The following RAB5B variants were observed in gnomAD, a reference collection of about 807,000 sequenced individuals.
The protein encoded by RAB5B is ras-related protein Rab-5B.
Under a neutral mutation model 28.6 loss-of-function variants are expected in RAB5B, and 11 were observed. The ratio of observed to expected loss-of-function variants is 0.38; its 90% CI spans 0.24 to 0.64. The LOEUF (loss-of-function observed/expected upper bound fraction) is 0.64. RAB5B is among the 30% of genes least tolerant of loss of function. The probability of loss-of-function intolerance (pLI) is 0.53; values close to 1 mark genes in which losing one functional copy is unlikely to be tolerated. For missense variants in RAB5B, 169 were observed against 265.6 expected (o/e 0.64, Z 2.53); for synonymous variants, 93 against 97.9 (o/e 0.95, Z 0.29).
At chr12:55,987,963 A>AGGATTT (rs1890001395) in intron 2 of RAB5B, among the ~76,000 whole-genome samples, 1 of 151,950 alleles carries the variant, frequency 6.6e-6, no homozygotes, top group South Asian at 2.1e-4. Context: ...CCTGGCCAAC[A>AGGATTT]AGGTGAAATC....
rs954000757 is a variant in RAB5B at position 55,975,635 on chromosome 12, T to C, written c.-93+1496T>C. 2.6e-5 allele frequency among the ~76,000 whole-genome samples: 4 copies of C among 151,618 alleles called. No individual in the cohort carries two copies. In the South Asian group the frequency reaches 8.3e-4, roughly 31 times the overall value. On this transcript the variant is annotated intron_variant, in intron 1 of 5. Coordinates refer to ENST00000360299, the MANE Select transcript of RAB5B (RefSeq NM_002868.4). ...TCTCCAAAAAAAAAAAAGACAAAGA[T>C]TGCCAAAGCAGAGGAGTGGAGTACC...
chr12:55,990,641 G>A, intron 3 of RAB5B, 41 bp from the exon 4 acceptor site: 1 of 1,609,216 alleles, frequency 6.2e-7, no homozygotes, highest in Non-Finnish European at 8.5e-7. Context: ...ATATGGATTG[G>A]CAGTCATTCC....
chr12:55,988,388 G>A (rs1839065630), intron 2 of RAB5B, among the ~76,000 whole-genome samples: 1 of 152,198 alleles, frequency 6.6e-6, no homozygotes, highest in Non-Finnish European at 1.5e-5. Context: ...TACAAAGGGT[G>A]TCTGTCTTTC....
intron 1 of RAB5B, chr12:55,980,917 G>C: frequency 4.3e-6 from 7 of 1,613,186 alleles, no homozygotes; most frequent in Non-Finnish European, 5.9e-6. Context: ...TTCCGATGGT[G>C]GAGATGTAAG....
intron 2 of RAB5B, 57 bp from the exon 3 acceptor site, chr12:55,989,890 A>G (rs1306775792): frequency 3.2e-6 from 5 of 1,539,924 alleles, no homozygotes; most frequent in Non-Finnish European, 3.6e-6. Context: ...GGGGGGAGGG[A>G]TGTTCCCATT....
Position 55,995,999 on chromosome 12 carries a change from A to ATTTTTTT in RAB5B, c.*3788_*3789insTTTTTTT, listed in dbSNP as rs1207856151. ...TATATATATACATATATATATATAT[A>ATTTTTTT]TATATTTTTTTTTTAACAACTGGTA... On this transcript the variant is annotated 3_prime_UTR_variant, in exon 6 of 6. Transcript: ENST00000360299. 13 of 85,800 alleles carry ATTTTTTT rather than the reference A, an allele frequency of 1.5e-4. 1 individual carries two copies. Among genetic ancestry groups the ATTTTTTT allele is most frequent in the African/African-American group, 3.8e-4 (7 of 18,368 alleles). The allele number at this position is 85,800 out of a possible 1,614,324, so 5.3% of individuals were successfully genotyped here. A position where few individuals can be genotyped will look rare whatever the true frequency, so the allele number is the denominator to read the frequency against.
Position 55,993,284 on chromosome 12 carries a change from C to G in RAB5B, c.*1072C>G, listed in dbSNP as rs565989152. ...AATTCAATGAAATCTGAGGTTAATG[C>G]GAGGTTCGAGGAGAGGTTATAGATA... On this transcript the variant is annotated 3_prime_UTR_variant, in exon 6 of 6. Transcript: ENST00000360299. The G allele has an allele frequency of 3.3e-5, 5 of 152,556 alleles. No homozygotes were observed. Among genetic ancestry groups the G allele is most frequent in the Admixed American group, 2.6e-4 (4 of 15,264 alleles). The allele number at this position is 152,556 out of a possible 1,614,324, so 9.5% of individuals were successfully genotyped here.
chr12:55,975,705 C>CTCATAGATTG (rs1349718502), intron 1 of RAB5B, among the ~76,000 whole-genome samples: 1 of 151,874 alleles, frequency 6.6e-6, no homozygotes, highest in African/African-American at 2.4e-5. Context: ...TTCTTAGTCC[C>CTCATAGATTG]TCATAGATTG....
intron 1 of RAB5B, among the ~76,000 whole-genome samples, chr12:55,983,624 A>G (rs1889868220): frequency 6.7e-6 from 1 of 149,196 alleles, no homozygotes; most frequent in South Asian, 2.1e-4. Context: ...TTCTTTTGCT[A>G]ACTTCCTCTT....
chr12:55,980,800 G>C, intron 1 of RAB5B: 2 of 1,578,058 alleles, frequency 1.3e-6, no homozygotes, highest in Non-Finnish European at 1.7e-6. Context: ...TGGCTCCACG[G>C]TAGTAGGCAG....
At chr12:55,977,981 T>C (rs919554771) in intron 1 of RAB5B, among the ~76,000 whole-genome samples, 4 of 152,196 alleles carry the variant, frequency 2.6e-5, no homozygotes, top group Non-Finnish European at 4.4e-5. Context: ...AACTGAAAAT[T>C]CAGCGAACTT....
rs1890221992 is a variant in RAB5B, at chr12:55,994,262, A to G, written c.*2050A>G. 1 of 152,578 alleles carries G rather than the reference A, an allele frequency of 6.6e-6. No homozygotes were observed. Among genetic ancestry groups the G allele is most frequent in the Non-Finnish European group, 1.5e-5 (1 of 68,042 alleles). The allele number at this position is 152,578 out of a possible 1,614,324, so 9.5% of individuals were successfully genotyped here. A position where few individuals can be genotyped will look rare whatever the true frequency, so the allele number is the denominator to read the frequency against. ...CATCCTTTTTACAAGTGGAAGAACT[A>G]GGATGGCTTTCCAAAGTCTTCTAGA... On this transcript the variant is annotated 3_prime_UTR_variant, in exon 6 of 6. Transcript: ENST00000360299.
At chr12:55,983,090 A>G (rs1889854328) in intron 1 of RAB5B, among the ~76,000 whole-genome samples, 1 of 146,480 alleles carries the variant, frequency 6.8e-6, no homozygotes, top group Non-Finnish European at 1.5e-5. Context: ...TTTATTTTTT[A>G]TTTTGAGAGA....
intron 1 of RAB5B, among the ~76,000 whole-genome samples, chr12:55,984,090 C>T (rs544348844): frequency 3.9e-5 from 6 of 152,070 alleles, no homozygotes; most frequent in Non-Finnish European, 7.4e-5. Flanking sequence ...GGCACGATCT[C>T]GGCTCACTGC....
At chr12:55,981,020 T>C (rs1889791555) in intron 1 of RAB5B, 1 of 1,613,852 alleles carries the variant, frequency 6.2e-7, no homozygotes. Context: ...GAGGTGGTCG[T>C]AGGCTTTGGC....
intron 1 of RAB5B, chr12:55,985,533 T>C (rs1318786477): frequency 3.4e-6 from 1 of 298,240 alleles, no homozygotes; most frequent in Non-Finnish European, 6.7e-6. Flanking sequence ...GATGATGAAA[T>C]GTATTCAGAT....
chr12:55,980,928 T>C, intron 1 of RAB5B: 3 of 1,613,466 alleles, frequency 1.9e-6, no homozygotes, highest in East Asian at 2.2e-5. Context: ...GAGATGTAAG[T>C]GTTGTTGAAG....
intron 1 of RAB5B, among the ~76,000 whole-genome samples, chr12:55,982,137 T>C (rs1592797266): frequency 6.6e-6 from 1 of 152,036 alleles, no homozygotes; most frequent in East Asian, 1.9e-4. Flanking sequence ...ATCTGATTTC[T>C]TCTCTTCTGA....
At chr12:55,983,103 G>T (rs1005311257) in intron 1 of RAB5B, among the ~76,000 whole-genome samples, 1 of 151,876 alleles carries the variant, frequency 6.6e-6, no homozygotes, top group African/African-American at 2.4e-5. Flanking sequence ...TTGAGAGACG[G>T]AGTCTTGCTC....
Sources: gnomAD v4.1 joint callset for allele counts (sites outside exome capture counted in the v4.1 genomes callset) on GRCh38, gnomAD v4.1.1 for gene constraint, MANE v1.5 for transcripts, NCBI Gene and HGNC (gene_info 2026-07-23, HGNC 2026-07-21) for gene names.